The following SYN3 variants were observed in gnomAD, a reference collection of about 807,000 sequenced individuals.
SYN3 encodes the protein synapsin III.
Under a neutral mutation model 65.8 loss-of-function variants are expected in SYN3, and 35 were observed. That is an observed-to-expected ratio of 0.53 (90% confidence interval 0.41 to 0.70). The LOEUF (loss-of-function observed/expected upper bound fraction) is 0.70. SYN3 is among the 30% of genes least tolerant of loss of function. The pLI, the probability that SYN3 is intolerant of heterozygous loss-of-function variation, is 0.00. For missense variants in SYN3, 680 were observed against 749.0 expected, an observed-to-expected ratio of 0.91 and a Z score of 1.08; for synonymous variants, 270 against 292.9, an observed-to-expected ratio of 0.92 and a Z score of 0.80.
intron 6 of SYN3, among the ~76,000 whole-genome samples, chr22:32,681,971 A>C (rs1261018303): frequency 6.6e-6 from 1 of 152,200 alleles, no homozygotes; most frequent in African/African-American, 2.4e-5. Context: ...GTGATGTTTG[A>C]GCCGAGACTT....
intron 6 of SYN3, among the ~76,000 whole-genome samples, chr22:32,772,596 T>G (rs1252629670): frequency 6.6e-6 from 1 of 152,194 alleles, no homozygotes; most frequent in Non-Finnish European, 1.5e-5. Flanking sequence ...GATGTGATTA[T>G]GTTAAGAATT....
chr22:32,739,173 C>CCGG (rs367627898), intron 6 of SYN3, among the ~76,000 whole-genome samples: 1 of 128,320 alleles, frequency 7.8e-6, no homozygotes, highest in Non-Finnish European at 1.8e-5. Context: ...AATTGAATCA[C>CCGG]AGGGGGGGGG....
chr22:32,791,837 C>G (rs1163366237), intron 6 of SYN3, among the ~76,000 whole-genome samples: 1 of 151,986 alleles, frequency 6.6e-6, no homozygotes, highest in Non-Finnish European at 1.5e-5. Context: ...ATACCTGGTA[C>G]CCAGTAGGCA....
intron 6 of SYN3, among the ~76,000 whole-genome samples, chr22:32,665,762 TCA>T (rs1470101424): frequency 2.6e-5 from 4 of 152,098 alleles, no homozygotes; most frequent in African/African-American, 9.7e-5. Flanking sequence ...GGGTCAGCTC[TCA>T]GACCTTTTCT....
At chr22:32,782,567 G>A (rs2145839585) in intron 6 of SYN3, among the ~76,000 whole-genome samples, 1 of 149,908 alleles carries the variant, frequency 6.7e-6, no homozygotes, top group South Asian at 2.1e-4. Context: ...TCCTGGGCTG[G>A]AGTGCAATGG....
intron 4 of SYN3, among the ~76,000 whole-genome samples, chr22:32,881,793 C>T (rs977000196): frequency 2.6e-5 from 4 of 152,138 alleles, no homozygotes; most frequent in African/African-American, 4.8e-5. Flanking sequence ...CAGTGGCTCA[C>T]GCCTGTAATC....
chr22:33,057,381 G>A (rs1319157996), intron 1 of SYN3, among the ~76,000 whole-genome samples: 1 of 152,184 alleles, frequency 6.6e-6, no homozygotes, highest in African/African-American at 2.4e-5. Context: ...ATCTGCTGTA[G>A]AATTATCTGA....
At chr22:32,946,855 A>T (rs1258313841) in intron 3 of SYN3, among the ~76,000 whole-genome samples, 1 of 152,226 alleles carries the variant, frequency 6.6e-6, no homozygotes, top group East Asian at 1.9e-4. Flanking sequence ...ATTAAGGACA[A>T]ATAGGTTTTA....
In SYN3 at chr22:32,728,870, G is replaced by C. The variant is rs565012474; in HGVS notation, c.712-132134C>G. On this transcript the variant is annotated intron_variant, in intron 6 of 13. Transcript: ENST00000358763. The stretch of plus-strand genomic sequence containing the variant: ...GGGGTGCGGTGGGTAGTCAGTCCCT[G>C]TGTGTGGGCAGAGCACACTCCTGTG... Among the ~76,000 whole-genome samples the C allele has an allele frequency of 2.6e-5, 4 of 152,298 alleles. No individual in the cohort carries two copies. In the East Asian group the frequency reaches 7.7e-4, roughly 29 times the overall value.
chr22:32,853,041 G>A (rs530950853), intron 6 of SYN3, among the ~76,000 whole-genome samples: 15 of 152,324 alleles, frequency 9.8e-5, no homozygotes, highest in Admixed American at 5.9e-4. Context: ...TGCTTTGCAT[G>A]TCCTGACTGT....
chr22:32,621,878 C>T (rs1299223827), intron 6 of SYN3, among the ~76,000 whole-genome samples: 1 of 152,026 alleles, frequency 6.6e-6, no homozygotes, highest in Non-Finnish European at 1.5e-5. Context: ...GAAGAGCAGG[C>T]CTCCTGACTC....
At chr22:32,802,404 G>GA (rs1477330170) in intron 6 of SYN3, among the ~76,000 whole-genome samples, 1 of 152,074 alleles carries the variant, frequency 6.6e-6, no homozygotes, top group Non-Finnish European at 1.5e-5. Context: ...TTGACATCTG[G>GA]AAAATGTCCC....
At chr22:32,790,827 A>G (rs1296896159) in intron 6 of SYN3, among the ~76,000 whole-genome samples, 3 of 152,214 alleles carry the variant, frequency 2.0e-5, no homozygotes, top group Non-Finnish European at 1.5e-5. Context: ...CCAGTGCAGC[A>G]CTGGGGTCTC....
intron 3 of SYN3, among the ~76,000 whole-genome samples, chr22:32,944,315 A>T (rs2051036141): frequency 1.3e-5 from 2 of 152,184 alleles, no homozygotes; most frequent in South Asian, 2.1e-4. Flanking sequence ...GCTCAACTAC[A>T]TGGAAACTGA....
chr22:32,518,018 C>T, intron 13 of SYN3, 25 bp downstream of exon 13: 3 of 1,508,576 alleles, frequency 2.0e-6, no homozygotes, highest in Non-Finnish European at 2.7e-6. Flanking sequence ...TATCCTATAC[C>T]TTTTCCAATT....
chr22:32,909,903 G>A (rs1387874911), intron 4 of SYN3, among the ~76,000 whole-genome samples: 3 of 152,160 alleles, frequency 2.0e-5, no homozygotes, highest in Admixed American at 2.0e-4. Context: ...TTTGCATGAA[G>A]AGTGTACCCT....
chr22:32,898,874 G>A (rs1332286947), intron 4 of SYN3, among the ~76,000 whole-genome samples: 1 of 152,128 alleles, frequency 6.6e-6, no homozygotes, highest in Admixed American at 6.5e-5. Context: ...AGGCCGAGGC[G>A]GGTGGATCAC....
intron 6 of SYN3, among the ~76,000 whole-genome samples, chr22:32,663,997 T>C (rs1311078422): frequency 3.9e-5 from 6 of 152,112 alleles, no homozygotes; most frequent in Admixed American, 3.3e-4. Context: ...CTGACTAAGA[T>C]AGGGAAATGT....
intron 1 of SYN3, among the ~76,000 whole-genome samples, chr22:33,036,678 CTTTTTTTTTTTTTTTTTTTTT>C (rs133977): frequency 1.0e-5 from 1 of 99,538 alleles, no homozygotes; most frequent in Non-Finnish European, 1.8e-5. Flanking sequence ...AGCCCAAGTT[CTTTTTTTTTTTTTTTTTTTTT>C]TTTTTTTTTG....
Sources: gnomAD v4.1 joint callset for allele counts (sites outside exome capture counted in the v4.1 genomes callset) on GRCh38, gnomAD v4.1.1 for gene constraint, MANE v1.5 for transcripts, NCBI Gene and HGNC (gene_info 2026-07-23, HGNC 2026-07-21) for gene names.